Variants in MYT1L observed in about 807,000 individuals in gnomAD.
MYT1L encodes myelin transcription factor 1 like.
MYT1L carries 12 observed loss-of-function variants against 126.7 expected under a neutral mutation model. The observed-to-expected ratio is 0.09, with a 90% CI of 0.06 to 0.15. MYT1L has a LOEUF of 0.15. Among genes scored for constraint, MYT1L ranks in the 10% least tolerant of loss-of-function variants. The pLI, the probability that MYT1L is intolerant of heterozygous loss-of-function variation, is 1.00. For missense variants in MYT1L, 979 were observed against 1,585.2 expected, an observed-to-expected ratio of 0.62 and a Z score of 6.49; for synonymous variants, 541 against 604.2, an observed-to-expected ratio of 0.90 and a Z score of 1.53.
chr2:1,792,102 G>A lies in MYT1L; in HGVS notation c.3421-95C>T, dbSNP rs1013213851. ...AATAGTATCATAGCATAGTGCCCCT[G>A]GTTTTATACTATTTCAAAGGCCGGC... On this transcript the variant is annotated intron_variant, in intron 24 of 24. Coordinates refer to ENST00000647738, the MANE Select transcript of MYT1L (RefSeq NM_001303052.2). The A allele has an allele frequency of 1.3e-5, 16 of 1,215,608 alleles. No individual in the cohort carries two copies. In the Admixed American group the frequency reaches 3.9e-4, roughly 29 times the overall value. 75.3% of individuals were successfully genotyped at this position (1,215,608 alleles called of 1,614,324 possible).
Position 1,793,822 on chromosome 2 carries a change from T to C in MYT1L, c.3277-1358A>G, listed in dbSNP as rs1245439585. Among the ~76,000 whole-genome samples, 1 of 152,172 alleles carries C rather than the reference T, an allele frequency of 6.6e-6. No homozygotes were observed. Among genetic ancestry groups the C allele is most frequent in the African/African-American group, 2.4e-5 (1 of 41,452 alleles). Reference sequence around the variant, plus strand: ...TTTGGGGTTATTTATCAAATTAATGTTCCCCTCCCAGCCGCCCCCTTGCAG... The same window carrying C: ...TTTGGGGTTATTTATCAAATTAATGCTCCCCTCCCAGCCGCCCCCTTGCAG... On this transcript the variant is annotated intron_variant, in intron 23 of 24. Transcript: ENST00000647738. The surrounding 1 kb of genome is among the most constrained non-coding windows in gnomAD (Gnocchi z 4.6).
At chr2:1,931,571 T>C (rs923972597) in intron 9 of MYT1L, among the ~76,000 whole-genome samples, 1 of 152,168 alleles carries the variant, frequency 6.6e-6, no homozygotes, top group Non-Finnish European at 1.5e-5. Flanking sequence ...CGCTTCTTTG[T>C]TCTTCTGGGT....
intron 3 of MYT1L, among the ~76,000 whole-genome samples, chr2:2,157,203 T>C (rs1379900595): frequency 1.1e-4 from 16 of 152,196 alleles, no homozygotes; most frequent in Non-Finnish European, 2.2e-4. Context: ...TTAAGTTTTA[T>C]CTCAGCCTGT....
chr2:1,921,462 A>C (rs539591815), intron 10 of MYT1L, among the ~76,000 whole-genome samples: 1 of 152,330 alleles, frequency 6.6e-6, no homozygotes, highest in Admixed American at 6.5e-5. Flanking sequence ...TATATATGTA[A>C]AGATAGCTAA....
At chr2:2,196,887 G>A (rs1235644858) in intron 2 of MYT1L, among the ~76,000 whole-genome samples, 5 of 151,964 alleles carry the variant, frequency 3.3e-5, no homozygotes, top group African/African-American at 9.7e-5. Flanking sequence ...GTAGTACACA[G>A]GACCATCAAT....
intron 3 of MYT1L, among the ~76,000 whole-genome samples, chr2:2,118,536 T>C (rs765731771): frequency 2.8e-4 from 43 of 152,220 alleles, no homozygotes; most frequent in Admixed American, 5.9e-4. Context: ...ATTACAAGGA[T>C]GCCTGTTACA....
intron 21 of MYT1L, among the ~76,000 whole-genome samples, chr2:1,814,237 G>A (rs1427024625): frequency 2.0e-5 from 3 of 151,936 alleles, no homozygotes; most frequent in African/African-American, 4.8e-5. Context: ...TTGCTGTCCC[G>A]CCCTGTCCCC....
Position 1,887,025 on chromosome 2 carries a change from G to C in MYT1L, c.2643-418C>G. On this transcript the variant is annotated intron_variant, in intron 17 of 24. Transcript: ENST00000647738. This position sits in a 1 kb window ranked among gnomAD's most constrained non-coding sequence, Gnocchi z 4.8. ...TAAGCTGAAAACAATAAATTGAAAAGACAGAATCCACCATGAGAAAAATGA... is the reference window on the plus strand; with the variant it reads ...TAAGCTGAAAACAATAAATTGAAAACACAGAATCCACCATGAGAAAAATGA... The C allele has an allele frequency of 4.9e-6, 2 of 406,132 alleles. No individual in the cohort carries two copies. The highest frequency in any genetic ancestry group is 8.7e-6 in the Non-Finnish European group (2 of 230,942). 25.2% of individuals were successfully genotyped at this position (406,132 alleles called of 1,614,324 possible).
At chr2:2,126,964 T>C (rs969198774) in intron 3 of MYT1L, among the ~76,000 whole-genome samples, 1 of 152,264 alleles carries the variant, frequency 6.6e-6, no homozygotes, top group African/African-American at 2.4e-5. Flanking sequence ...TCTTTCTTCA[T>C]AACGGAAGCC....
At chr2:2,158,423 C>T (rs1046628904) in intron 3 of MYT1L, among the ~76,000 whole-genome samples, 11 of 152,172 alleles carry the variant, frequency 7.2e-5, no homozygotes, top group South Asian at 2.1e-4. Context: ...TCCTGGGCTG[C>T]GCCTGACAAG....
At chr2:1,998,889 A>G (rs548559157) in intron 4 of MYT1L, among the ~76,000 whole-genome samples, 50 of 151,534 alleles carry the variant, frequency 3.3e-4, no homozygotes, top group East Asian at 2.7e-3. Flanking sequence ...TCACTGGGGG[A>G]AAAAAAAAGA....
chr2:2,036,560 C>G (rs1453289607), intron 4 of MYT1L, among the ~76,000 whole-genome samples: 3 of 152,248 alleles, frequency 2.0e-5, no homozygotes, highest in Non-Finnish European at 4.4e-5. Context: ...CCACACAGCT[C>G]CTCATGGCAG....
chr2:2,074,835 C>CAT (rs1357526920), intron 3 of MYT1L, among the ~76,000 whole-genome samples: 1 of 152,178 alleles, frequency 6.6e-6, no homozygotes, highest in African/African-American at 2.4e-5. Context: ...TTGTTCAGGA[C>CAT]ATTTGGAGAC....
At chr2:2,254,544 T>C (rs1402404263) in intron 2 of MYT1L, among the ~76,000 whole-genome samples, 12 of 152,220 alleles carry the variant, frequency 7.9e-5, no homozygotes, top group Admixed American at 7.8e-4. Context: ...CAGTGGTTGT[T>C]GTGAAGATTA....
chr2:1,900,425 G>A (rs1057498384), intron 14 of MYT1L, among the ~76,000 whole-genome samples: 1 of 152,008 alleles, frequency 6.6e-6, no homozygotes, highest in South Asian at 2.1e-4. Flanking sequence ...TCAGCCTCCT[G>A]AGCAGCTGGG....
chr2:2,158,830 C>T (rs138997075), intron 3 of MYT1L, among the ~76,000 whole-genome samples: 111 of 152,126 alleles, frequency 7.3e-4, no homozygotes, highest in African/African-American at 2.2e-3. Context: ...AGGCAGACAG[C>T]GCAGGCAGAC....
intron 3 of MYT1L, among the ~76,000 whole-genome samples, chr2:2,126,422 C>T (rs2081700537): frequency 6.6e-6 from 1 of 152,116 alleles, no homozygotes; most frequent in Non-Finnish European, 1.5e-5. Context: ...ATGTGTTCAC[C>T]ACCACCCCTG....
intron 18 of MYT1L, chr2:1,885,352 T>C (rs1363633127): frequency 2.6e-5 from 4 of 152,726 alleles, no homozygotes; most frequent in African/African-American, 7.2e-5. Context: ...CTACAGACTT[T>C]ACAGCCGTTA....
intron 4 of MYT1L, among the ~76,000 whole-genome samples, chr2:2,006,521 C>G (rs1358519099): frequency 6.6e-6 from 1 of 152,038 alleles, no homozygotes; most frequent in Admixed American, 6.5e-5. Context: ...CTCCCCATCA[C>G]CCCCCACCCA....
Sources: allele counts gnomAD v4.1 joint callset (sites outside exome capture counted in the v4.1 genomes callset), GRCh38; gene constraint gnomAD v4.1.1; non-coding constraint Gnocchi (gnomAD v3.1); transcripts MANE v1.5; gene names NCBI Gene and HGNC (gene_info 2026-07-23, HGNC 2026-07-21).